PLEKHG1: variants seen among roughly 807,000 people sequenced by gnomAD.
PLEKHG1 encodes the protein pleckstrin homology and RhoGEF domain containing G1, also known as pleckstrin homology domain-containing family G member 1.
Under a neutral mutation model 100.8 loss-of-function variants are expected in PLEKHG1, and 44 were observed. The ratio of observed to expected loss-of-function variants is 0.44; its 90% CI spans 0.34 to 0.56. The LOEUF is 0.56. Ranked by LOEUF, PLEKHG1 falls within the 20% of genes least tolerant of loss-of-function variation. The pLI is 0.01. For synonymous variants in PLEKHG1, 640 were observed against 662.5 expected (o/e 0.97, Z 0.52); for missense variants, 1,545 against 1,720.9 (o/e 0.90, Z 1.81).
chr6:150,780,904 C>T (rs1318243611), intron 3 of PLEKHG1, among the ~76,000 whole-genome samples: 15 of 151,672 alleles, frequency 9.9e-5, no homozygotes, highest in Admixed American at 9.8e-4. Flanking sequence ...GACAGAGTCT[C>T]ACTCTGTCAC....
intron 3 of PLEKHG1, among the ~76,000 whole-genome samples, chr6:150,707,367 T>C (rs1056844711): frequency 4.6e-5 from 7 of 152,168 alleles, no homozygotes; most frequent in African/African-American, 1.7e-4. Context: ...GATCATATAG[T>C]CTGGTAATTT....
rs1255658576 is a variant in PLEKHG1, at chr6:150,794,830, A to G, written c.583-1026A>G. Among the ~76,000 whole-genome samples, 7 of 152,186 alleles carry G rather than the reference A, an allele frequency of 4.6e-5. No homozygotes were observed. The East Asian group carries it at 1.4e-3, about 29-fold the overall frequency. ...TTGGACGATGGAAACTTGGGGATTT[A>G]TTATACCATCCTCTCTACTTTTATA... is the stretch of plus-strand genomic sequence containing the variant. On this transcript the variant is annotated intron_variant, in intron 4 of 15. Transcript: ENST00000358517.
rs139809349 is a variant in PLEKHG1, at chr6:150,788,292, T to C, written c.582+1833T>C. 1.9e-3 allele frequency among the ~76,000 whole-genome samples: 294 copies of C among 152,326 alleles called. 1 individual carries two copies. The highest frequency in any genetic ancestry group is 3.1e-3 in the Admixed American group (47 of 15,304). On this transcript the variant is annotated intron_variant, in intron 4 of 15. Transcript: ENST00000358517. ...CTGCCTTTCACTCAGCAGCCTGACA[T>C]TTAGAAGATGTTACGTCTTCTGAAA... is the stretch of plus-strand genomic sequence containing the variant.
rs551683227 is a variant in PLEKHG1 at position 150,707,282 on chromosome 6, G to A, written c.-98-26302G>A. ...GCCTCCCAAAGTGCTGGGATTACAG[G>A]TGTGAGCCACCATGCCAGGCCTGTG... On this transcript the variant is annotated intron_variant, in intron 3 of 3. Transcript: ENST00000367326. Among the ~76,000 whole-genome samples, 5 of 152,158 alleles carry A rather than the reference G, an allele frequency of 3.3e-5. No homozygotes were observed. The South Asian group carries it at 1.0e-3, about 32-fold the overall frequency.
intron 1 of PLEKHG1, among the ~76,000 whole-genome samples, chr6:150,621,253 CTG>C (rs1777287078): frequency 6.6e-6 from 1 of 152,158 alleles, no homozygotes; most frequent in African/African-American, 2.4e-5. Flanking sequence ...GTGTCAGACT[CTG>C]GGGCTGTTGC....
chr6:150,680,150 A>C (rs188535068), intron 3 of PLEKHG1, among the ~76,000 whole-genome samples: 173 of 152,346 alleles, frequency 1.1e-3, no homozygotes, highest in African/African-American at 4.0e-3. Context: ...TGATCATGGC[A>C]CTATAGTTCT....
chr6:150,706,473 G>A (rs988654061), intron 3 of PLEKHG1, among the ~76,000 whole-genome samples: 1 of 131,934 alleles, frequency 7.6e-6, no homozygotes, highest in Non-Finnish European at 1.7e-5. Flanking sequence ...AATTAGCCAG[G>A]CATGGTGGTG....
chr6:150,763,389 A>G (rs1328555222), intron 2 of PLEKHG1, among the ~76,000 whole-genome samples: 1 of 152,148 alleles, frequency 6.6e-6, no homozygotes, highest in African/African-American at 2.4e-5. Flanking sequence ...TGCAAAGGAC[A>G]ATGGCTGGAA....
intron 2 of PLEKHG1, among the ~76,000 whole-genome samples, chr6:150,748,995 C>T (rs545102550): frequency 6.6e-6 from 1 of 152,136 alleles, no homozygotes; most frequent in Admixed American, 6.6e-5. Context: ...TGTTGTGTTC[C>T]TTTTAAAATG....
Position 150,795,825 on chromosome 6 carries a change from G to A in PLEKHG1, c.583-31G>A, listed in dbSNP as rs201391310. 28 of 1,393,672 alleles carry A rather than the reference G, an allele frequency of 2.0e-5. No homozygotes were observed. In the South Asian group the frequency reaches 2.8e-4, roughly 14 times the overall value. The allele number at this position is 1,393,672 out of a possible 1,614,324, so 86.3% of individuals were successfully genotyped here. A position where few individuals can be genotyped will look rare whatever the true frequency, so the allele number is the denominator to read the frequency against. On this transcript the variant is annotated intron_variant, in intron 4 of 15. Coordinates refer to ENST00000358517, the Ensembl canonical transcript of PLEKHG1. ...TGAATGTTTATGTTTGTGCTTTGTTGCCTATAAAAATTTCTTTTGTTTCCT... is the reference window on the plus strand; with the variant it reads ...TGAATGTTTATGTTTGTGCTTTGTTACCTATAAAAATTTCTTTTGTTTCCT...
chr6:150,732,778 G>A (rs1020908555), intron 1 of PLEKHG1, among the ~76,000 whole-genome samples: 9 of 152,162 alleles, frequency 5.9e-5, no homozygotes, highest in African/African-American at 9.7e-5. Context: ...GTAGCGACAC[G>A]GTTTTGCCAT....
chr6:150,817,804 T>G (rs1398812311), intron 10 of PLEKHG1, among the ~76,000 whole-genome samples: 2 of 152,020 alleles, frequency 1.3e-5, no homozygotes, highest in African/African-American at 2.4e-5. Context: ...GATTGTGATC[T>G]GCCCGCCTCA....
intron 6 of PLEKHG1, among the ~76,000 whole-genome samples, chr6:150,803,681 T>G (rs1415422348): frequency 6.6e-6 from 1 of 152,212 alleles, no homozygotes; most frequent in African/African-American, 2.4e-5. Flanking sequence ...AGGATTGTCT[T>G]TAGTCAACTT....
rs34542836 is a variant in PLEKHG1 at position 150,731,962 on chromosome 6, C to CTT, written c.-98-1606_-98-1605dup. On this transcript the variant is annotated intron_variant, in intron 1 of 15. Transcript: ENST00000358517. Reference sequence around the variant, plus strand: ...TTTAAATGCTGTGGGTATTAAGTGACTTTTTTTTTTTTTTTTTGAGACGGA... The same window carrying CTT: ...TTTAAATGCTGTGGGTATTAAGTGACTTTTTTTTTTTTTTTTTTTGAGACGGA... 5.7e-3 allele frequency among the ~76,000 whole-genome samples: 772 copies of CTT among 134,372 alleles called. 13 individuals carry two copies. The highest frequency in any genetic ancestry group is 8.4e-3 in the Non-Finnish European group (539 of 63,938). 88.2% of individuals were successfully genotyped at this position (134,372 alleles called of 152,430 possible).
chr6:150,775,210 C>T (rs990445645), intron 3 of PLEKHG1, among the ~76,000 whole-genome samples: 10 of 152,094 alleles, frequency 6.6e-5, no homozygotes, highest in African/African-American at 2.2e-4. Flanking sequence ...AATCCAACAG[C>T]GTGTTTTACT....
chr6:150,644,797 T>C (rs1048998323), intron 2 of PLEKHG1, among the ~76,000 whole-genome samples: 1 of 152,184 alleles, frequency 6.6e-6, no homozygotes, highest in Non-Finnish European at 1.5e-5. Flanking sequence ...GTGAAAGATA[T>C]ATGAGACCTT....
At chr6:150,807,982 G>A (rs1359779010) in intron 7 of PLEKHG1, among the ~76,000 whole-genome samples, 2 of 151,942 alleles carry the variant, frequency 1.3e-5, no homozygotes, top group Non-Finnish European at 2.9e-5. Flanking sequence ...AAAGAAAAAA[G>A]AAAAAGAATG....
chr6:150,819,988 T>A (rs1273640450), intron 12 of PLEKHG1, among the ~76,000 whole-genome samples: 1 of 152,008 alleles, frequency 6.6e-6, no homozygotes, highest in Non-Finnish European at 1.5e-5. Context: ...GGCAGGTGGG[T>A]CACCTGAGGT....
At chr6:150,673,547 G>C (rs1779643855) in intron 3 of PLEKHG1, among the ~76,000 whole-genome samples, 1 of 152,182 alleles carries the variant, frequency 6.6e-6, no homozygotes, top group Non-Finnish European at 1.5e-5. Flanking sequence ...TACAACTCAG[G>C]AAAGCCAAAG....
Sources: gnomAD v4.1 joint callset for allele counts (sites outside exome capture counted in the v4.1 genomes callset) on GRCh38, gnomAD v4.1.1 for gene constraint, MANE v1.5 for transcripts, NCBI Gene and HGNC (gene_info 2026-07-23, HGNC 2026-07-21) for gene names.